The following MVB12B variants were observed in gnomAD, a reference collection of about 807,000 sequenced individuals.
The protein encoded by MVB12B is ESCRT-I complex subunit MVB12B.
In MVB12B, 16 loss-of-function variants were observed where a neutral mutation model predicts 41.6. That is an observed-to-expected ratio of 0.38 (90% confidence interval 0.26 to 0.58). MVB12B has a LOEUF of 0.58. Among genes scored for constraint, MVB12B ranks in the 20% least tolerant of loss-of-function variants. MVB12B has a pLI of 0.62. For missense variants in MVB12B, 274 were observed against 380.2 expected (o/e 0.72, Z 2.32); for synonymous variants, 133 against 139.7 (o/e 0.95, Z 0.34).
rs1475002011 is a variant in MVB12B, at chr9:126,506,375, C to T, written c.*3112C>T. On this transcript the variant is annotated 3_prime_UTR_variant, in exon 10 of 10. Transcript: ENST00000361171. ...GAGGCTGACTTGGCCCACTGCTAAG[C>T]GGCAGAGGCAGGGCCAGCCATCCTG... is the stretch of plus-strand genomic sequence containing the variant. 3 of 152,614 alleles carry T rather than the reference C, an allele frequency of 2.0e-5. No homozygotes were observed. Among genetic ancestry groups the T allele is most frequent in the Non-Finnish European group, 2.9e-5 (2 of 68,058 alleles). 9.5% of individuals were successfully genotyped at this position (152,614 alleles called of 1,614,324 possible). A position where few individuals can be genotyped will look rare whatever the true frequency, so the allele number is the denominator to read the frequency against.
chr9:126,336,161 TTGG>T (rs1429629414), intron 1 of MVB12B, among the ~76,000 whole-genome samples: 3 of 152,216 alleles, frequency 2.0e-5, no homozygotes, highest in Non-Finnish European at 4.4e-5. Context: ...TGGAAGAGCC[TTGG>T]TGGAGAGAGG....
At position 126,411,150 on chromosome 9, in the gene MVB12B, G is replaced by A. The variant is rs1831637139; in HGVS notation, c.663-10704G>A. On this transcript the variant is annotated intron_variant, in intron 6 of 9. Coordinates refer to ENST00000361171, the MANE Select transcript of MVB12B (RefSeq NM_033446.3). ...GATCCACCCGCCTTGGCCTCCCAAA[G>A]TGCTGTGATTACAGGCATGAGCCAC... Among the ~76,000 whole-genome samples, 4 of 152,140 alleles carry A rather than the reference G, an allele frequency of 2.6e-5. No individual in the cohort carries two copies. In the South Asian group the frequency reaches 8.3e-4, roughly 31 times the overall value.
Position 126,493,880 on chromosome 9 carries a change from T to C in MVB12B, c.874-9297T>C, listed in dbSNP as rs183593689. On this transcript the variant is annotated intron_variant, in intron 9 of 9. Transcript: ENST00000361171. ...GTTTCTGATGGCTTTCCAGCTGCAT[T>C]TCATCGGTTCCCCAGGCAGGCAGTT... Among the ~76,000 whole-genome samples the C allele has an allele frequency of 1.1e-3, 160 of 152,320 alleles. 1 individual carries two copies. The highest frequency in any genetic ancestry group is 8.5e-3 in the South Asian group (41 of 4,826).
chr9:126,494,876 C>T (rs965381688), intron 9 of MVB12B, among the ~76,000 whole-genome samples: 3 of 151,738 alleles, frequency 2.0e-5, no homozygotes, highest in African/African-American at 4.8e-5. Flanking sequence ...CCACCCCCCC[C>T]CAGGGTTGTT....
At chr9:126,401,591 A>G (rs1172239244) in intron 6 of MVB12B, among the ~76,000 whole-genome samples, 1 of 152,204 alleles carries the variant, frequency 6.6e-6, no homozygotes, top group Non-Finnish European at 1.5e-5. Context: ...AAATCGTTCC[A>G]TCACTCTGAT....
chr9:126,425,166 G>A (rs755722625), intron 7 of MVB12B, among the ~76,000 whole-genome samples: 2 of 152,112 alleles, frequency 1.3e-5, no homozygotes, highest in African/African-American at 2.4e-5. Flanking sequence ...CCAACTGCTC[G>A]GGAGACTGAG....
chr9:126,497,558 C>T (rs1260523136), intron 9 of MVB12B, among the ~76,000 whole-genome samples: 13 of 152,138 alleles, frequency 8.5e-5, no homozygotes, highest in East Asian at 1.9e-4. Flanking sequence ...CCACAGGGGT[C>T]ACAGCCCTGA....
At position 126,395,764 on chromosome 9, in the gene MVB12B, A is replaced by T. The variant is rs1234951098; in HGVS notation, c.662+67A>T. On this transcript the variant is annotated intron_variant, in intron 6 of 9. Transcript: ENST00000361171. The surrounding 1 kb of genome is among the most constrained non-coding windows in gnomAD (Gnocchi z 4.9). ...AGGTCCCTGCACAACATTTTAGAAC[A>T]CCACCACTTAGTGTCTGCTGAAATA... 3.1e-6 allele frequency: 5 copies of T among 1,590,244 alleles called. No individual in the cohort carries two copies. The highest frequency in any genetic ancestry group is 3.4e-6 in the Non-Finnish European group (4 of 1,168,056).
chr9:126,462,389 C>T (rs1052026915), intron 7 of MVB12B, among the ~76,000 whole-genome samples: 3 of 152,186 alleles, frequency 2.0e-5, no homozygotes, highest in Non-Finnish European at 4.4e-5. Flanking sequence ...GTTAAAAGTT[C>T]CCTGGCAGCG....
At chr9:126,396,164 T>C (rs1189159921) in intron 6 of MVB12B, 19 of 988,370 alleles carry the variant, frequency 1.9e-5, no homozygotes, top group Non-Finnish European at 2.3e-5. Context: ...GTAGTTTGGG[T>C]ATGAGAGAAT....
chr9:126,454,961 C>T (rs935922851), intron 7 of MVB12B, among the ~76,000 whole-genome samples: 20 of 152,146 alleles, frequency 1.3e-4, no homozygotes, highest in East Asian at 7.8e-4. Context: ...CCTGTGGGTG[C>T]GCAGGGCAGC....
rs1047005905 is a variant in MVB12B at position 126,478,303 on chromosome 9, G to C, written c.758-3066G>C. Among the ~76,000 whole-genome samples, 2 of 152,152 alleles carry C rather than the reference G, an allele frequency of 1.3e-5. No individual in the cohort carries two copies. The highest frequency in any genetic ancestry group is 2.9e-5 in the Non-Finnish European group (2 of 68,022). On this transcript the variant is annotated intron_variant, in intron 7 of 9. Coordinates refer to ENST00000361171, the MANE Select transcript of MVB12B (RefSeq NM_033446.3). The surrounding 1 kb of genome is among the most constrained non-coding windows in gnomAD (Gnocchi z 4.2). ...AGCAGGGTCCCCAGGTCCTGAGAGA[G>C]TTAGGCACTTGCCCCAGGCTGGAGC...
intron 3 of MVB12B, among the ~76,000 whole-genome samples, chr9:126,381,887 T>C (rs1421244792): frequency 6.6e-6 from 1 of 152,024 alleles, no homozygotes; most frequent in Non-Finnish European, 1.5e-5. Context: ...TTCCTTTCCA[T>C]TGAAGAAACC....
At chr9:126,437,634 C>G (rs977095609) in intron 7 of MVB12B, among the ~76,000 whole-genome samples, 2 of 152,208 alleles carry the variant, frequency 1.3e-5, no homozygotes, top group African/African-American at 4.8e-5. Context: ...ATATATTAAT[C>G]TCTTCTTTTC....
chr9:126,442,015 G>A (rs950823900), intron 7 of MVB12B, among the ~76,000 whole-genome samples: 1 of 152,178 alleles, frequency 6.6e-6, no homozygotes, highest in African/African-American at 2.4e-5. Flanking sequence ...TCATAATGGA[G>A]CTAACTGCTT....
In MVB12B at chr9:126,503,282, CG is replaced by C. The variant is rs1204867228; in HGVS notation, c.*23del. On this transcript the variant is annotated 3_prime_UTR_variant, in exon 10 of 10. Coordinates refer to ENST00000361171, the MANE Select transcript of MVB12B (RefSeq NM_033446.3). The stretch of plus-strand genomic sequence containing the variant: ...GTCCTGAGGAGCCAGCGGCCACCTG[CG>C]GGGAGACCACCGCCGCCCAGACTAC... 18 of 1,545,786 alleles carry C rather than the reference CG, an allele frequency of 1.2e-5. No individual in the cohort carries two copies. Among genetic ancestry groups the C allele is most frequent in the Non-Finnish European group, 1.5e-5 (17 of 1,143,436 alleles).
chr9:126,420,087 C>T (rs2119085348), intron 6 of MVB12B, among the ~76,000 whole-genome samples: 1 of 152,324 alleles, frequency 6.6e-6, no homozygotes, highest in African/African-American at 2.4e-5. Flanking sequence ...GCCATAACAC[C>T]TTGAGGGGTC....
intron 6 of MVB12B, among the ~76,000 whole-genome samples, chr9:126,406,284 C>T (rs959678833): frequency 3.3e-5 from 5 of 152,224 alleles, no homozygotes; most frequent in African/African-American, 1.2e-4. Flanking sequence ...CCAAAAATCA[C>T]CGTCCAGCCT....
At chr9:126,420,470 C>T (rs906732410) in intron 6 of MVB12B, among the ~76,000 whole-genome samples, 1 of 151,578 alleles carries the variant, frequency 6.6e-6, no homozygotes, top group Non-Finnish European at 1.5e-5. Context: ...CCTTGGTGCT[C>T]ATCTTGCCCC....
Sources: allele counts gnomAD v4.1 joint callset (sites outside exome capture counted in the v4.1 genomes callset), GRCh38; gene constraint gnomAD v4.1.1; non-coding constraint Gnocchi (gnomAD v3.1); transcripts MANE v1.5; gene names NCBI Gene and HGNC (gene_info 2026-07-23, HGNC 2026-07-21).